RHBDD1: variants seen among roughly 807,000 people sequenced by gnomAD.
RHBDD1 encodes rhomboid-related protein 4.
Under a neutral mutation model 36.3 loss-of-function variants are expected in RHBDD1, and 38 were observed. The ratio of observed to expected loss-of-function variants is 1.05; its 90% CI spans 0.81 to 1.37. The LOEUF is 1.37. RHBDD1 is among the 40% of genes most tolerant of loss of function. The pLI is 0.00. For missense variants in RHBDD1, 393 were observed against 377.6 expected (o/e 1.04, Z -0.34); for synonymous variants, 151 against 136.5 (o/e 1.11, Z -0.74).
intron 8 of RHBDD1, among the ~76,000 whole-genome samples, chr2:226,960,217 C>G (rs553675042): frequency 1.3e-5 from 2 of 152,204 alleles, no homozygotes; most frequent in South Asian, 2.1e-4. Context: ...GAGGTCCTCC[C>G]TATCCTCCCC....
At chr2:226,852,272 G>A (rs575158675) in intron 3 of RHBDD1, among the ~76,000 whole-genome samples, 35 of 152,220 alleles carry the variant, frequency 2.3e-4, no homozygotes, top group African/African-American at 7.9e-4. Flanking sequence ...TTAAAGTTCC[G>A]TTTTTATAGC....
intron 8 of RHBDD1, among the ~76,000 whole-genome samples, chr2:226,915,811 T>C (rs144094707): frequency 6.6e-6 from 1 of 152,340 alleles, no homozygotes; most frequent in Non-Finnish European, 1.5e-5. Flanking sequence ...ACTGTGATGA[T>C]GTATCAGTAA....
chr2:226,835,155 C>A (rs1185302884), upstream of RHBDD1, among the ~76,000 whole-genome samples: 6 of 152,230 alleles, frequency 3.9e-5, no homozygotes, highest in Non-Finnish European at 7.3e-5. Flanking sequence ...AAGCGATCCT[C>A]CTGCCTCGAC....
At chr2:226,802,473 A>G in the RHBDD1 span, among the ~76,000 whole-genome samples, 386 of 152,358 alleles carry the variant, frequency 2.5e-3, 5 homozygotes, top group African/African-American at 8.7e-3. Context: ...GGCTAACTGG[A>G]AATTCATTTA....
intron 5 of RHBDD1, among the ~76,000 whole-genome samples, chr2:226,899,064 G>C (rs1215636981): frequency 1.3e-5 from 2 of 152,214 alleles, no homozygotes; most frequent in South Asian, 4.1e-4. Flanking sequence ...TAATAGAGGA[G>C]GGCCTTTATA....
chr2:226,973,041 C>T (rs1395548331), intron 8 of RHBDD1, among the ~76,000 whole-genome samples: 1 of 152,072 alleles, frequency 6.6e-6, no homozygotes, highest in Non-Finnish European at 1.5e-5. Context: ...AGATTCAGAG[C>T]CCTACCTGAG....
intron 3 of RHBDD1, among the ~76,000 whole-genome samples, chr2:226,855,986 T>G (rs1302770447): frequency 6.6e-6 from 1 of 152,144 alleles, no homozygotes; most frequent in Admixed American, 6.5e-5. Flanking sequence ...TGGAAGACAT[T>G]TAATGGATTA....
chr2:226,869,029 C>T (rs182325083), intron 5 of RHBDD1: 10 of 265,302 alleles, frequency 3.8e-5, no homozygotes, highest in Non-Finnish European at 5.2e-5. Flanking sequence ...ATATGAAAAT[C>T]ACTCCCTCTG....
chr2:226,997,057 A>C lies in RHBDD1; in HGVS notation c.*1535A>C, dbSNP rs559825752. The C allele has an allele frequency of 7.2e-5, 11 of 152,298 alleles. No individual in the cohort carries two copies. The highest frequency in any genetic ancestry group is 1.5e-4 in the Non-Finnish European group (10 of 68,024). 9.4% of individuals were successfully genotyped at this position (152,298 alleles called of 1,614,324 possible). A position where few individuals can be genotyped will look rare whatever the true frequency, so the allele number is the denominator to read the frequency against. On this transcript the variant is annotated 3_prime_UTR_variant, in exon 9 of 9. Transcript: ENST00000392062. Reference sequence around the variant, plus strand: ...ACCATGGAGTTTTGTGTCCAAATCCAATCTGAATTTACCTGGAAGAGGCCT... The same window carrying C: ...ACCATGGAGTTTTGTGTCCAAATCCCATCTGAATTTACCTGGAAGAGGCCT...
chr2:226,800,907 G>T, the RHBDD1 span, among the ~76,000 whole-genome samples: 6 of 152,314 alleles, frequency 3.9e-5, no homozygotes, highest in East Asian at 1.2e-3. Context: ...TACTTGAAGC[G>T]CCCCTTTCAG....
intron 8 of RHBDD1, among the ~76,000 whole-genome samples, chr2:226,979,086 C>T (rs138240647): frequency 1.3e-5 from 2 of 152,096 alleles, no homozygotes; most frequent in East Asian, 1.9e-4. Flanking sequence ...AGAAGCTATT[C>T]GTGTGGCTCA....
chr2:226,904,988 G>A (rs1199757353), intron 5 of RHBDD1, among the ~76,000 whole-genome samples: 2 of 152,058 alleles, frequency 1.3e-5, no homozygotes, highest in East Asian at 1.9e-4. Context: ...ATATCCTTGA[G>A]TGCCTCTCAT....
intron 8 of RHBDD1, among the ~76,000 whole-genome samples, chr2:226,961,484 A>G (rs1952196579): frequency 6.6e-6 from 1 of 152,224 alleles, no homozygotes; most frequent in Admixed American, 6.5e-5. Context: ...TGAATACTTA[A>G]GCAGTAACAT....
chr2:226,897,988 A>AAAC (rs150899228), intron 5 of RHBDD1, among the ~76,000 whole-genome samples: 11,627 of 151,880 alleles, frequency 0.077, 582 homozygotes, highest in African/African-American at 0.14. Flanking sequence ...TCAAAAAACA[A>AAAC]AACAACAACA....
chr2:226,939,390 C>T (rs1164314252), intron 8 of RHBDD1, among the ~76,000 whole-genome samples: 1 of 152,182 alleles, frequency 6.6e-6, no homozygotes, highest in African/African-American at 2.4e-5. Flanking sequence ...CGTCTCAGCC[C>T]AAAAGCTTCT....
At chr2:226,813,245 G>A in the RHBDD1 span, among the ~76,000 whole-genome samples, 1 of 152,184 alleles carries the variant, frequency 6.6e-6, no homozygotes, top group African/African-American at 2.4e-5. Flanking sequence ...TTTGTGCCAG[G>A]TACTTAGATT....
chr2:226,908,790 G>A (rs368892520), intron 6 of RHBDD1, 32 bp from the exon 7 acceptor site: 60 of 1,491,644 alleles, frequency 4.0e-5, no homozygotes, highest in Non-Finnish European at 5.6e-5. Context: ...CTTTATGGCT[G>A]CCATTAAAAT....
chr2:226,863,689 T>G (rs1944062191), intron 3 of RHBDD1, among the ~76,000 whole-genome samples: 1 of 152,184 alleles, frequency 6.6e-6, no homozygotes, highest in Non-Finnish European at 1.5e-5. Context: ...CACATGTTGT[T>G]TGAGAGGGTT....
chr2:226,938,765 G>C (rs558214335), intron 8 of RHBDD1, among the ~76,000 whole-genome samples: 1 of 151,896 alleles, frequency 6.6e-6, no homozygotes, highest in African/African-American at 2.4e-5. Flanking sequence ...CGGACTCCTT[G>C]CTAACTCATT....
Sources: allele counts gnomAD v4.1 joint callset (sites outside exome capture counted in the v4.1 genomes callset), GRCh38; gene constraint gnomAD v4.1.1; transcripts MANE v1.5; gene names NCBI Gene and HGNC (gene_info 2026-07-23, HGNC 2026-07-21).